CRB1: variants seen among roughly 807,000 people sequenced by gnomAD.
CRB1 encodes the protein protein crumbs homolog 1.
CRB1 carries 83 observed loss-of-function variants against 120.0 expected under a neutral mutation model. The ratio of observed to expected loss-of-function variants is 0.69; its 90% CI spans 0.58 to 0.83. CRB1 has a LOEUF of 0.83. Ranked by LOEUF, CRB1 falls within the 40% of genes least tolerant of loss-of-function variation. The pLI is 0.00. For synonymous variants in CRB1, 625 were observed against 612.5 expected, an observed-to-expected ratio of 1.02 and a Z score of -0.30; for missense variants, 1,699 against 1,687.6, an observed-to-expected ratio of 1.01 and a Z score of -0.12.
At chr1:197,445,973 T>A (rs1665679239) in intron 11 of CRB1, among the ~76,000 whole-genome samples, 1 of 152,088 alleles carries the variant, frequency 6.6e-6, no homozygotes, top group African/African-American at 2.4e-5. Flanking sequence ...GTGGATGACC[T>A]GCAGTCAGGA....
intron 1 of CRB1, among the ~76,000 whole-genome samples, chr1:197,283,189 A>T (rs950625896): frequency 6.6e-6 from 1 of 151,872 alleles, no homozygotes; most frequent in African/African-American, 2.4e-5. Context: ...TGTAAAAAAT[A>T]TGCTTGGAAA....
intron 5 of CRB1, among the ~76,000 whole-genome samples, chr1:197,369,035 T>C (rs56765769): frequency 6.9e-4 from 105 of 152,212 alleles, no homozygotes; most frequent in African/African-American, 2.5e-3. Context: ...AAAATGTTCA[T>C]TGGGGAGGTT....
rs28939720 is a variant in CRB1 at position 197,427,559 on chromosome 1, C to A, written c.2234C>A (p.Thr745Lys). The A allele has an allele frequency of 6.2e-7, 1 of 1,613,780 alleles. No homozygotes were observed. Among genetic ancestry groups the A allele is most frequent in the African/African-American group, 1.3e-5 (1 of 74,886 alleles). Residue 745 changes from threonine to lysine, a missense_variant, in exon 7 of 12, where the codon ACG (threonine) becomes AAG (lysine). By Grantham distance (78) the Thr-to-Lys change is moderately conservative. Transcript: ENST00000367400. ...DTISLSMFVR[T>K]LQPSGLLLAL... is the part of the protein sequence containing the mutation. ...ATCAGCCTCTCCATGTTTGTCCGAA[C>A]GCTTCAACCATCAGGCTTACTTCTA...
chr1:197,472,398 G>A (rs1406853521), intron 11 of CRB1, among the ~76,000 whole-genome samples: 1 of 152,128 alleles, frequency 6.6e-6, no homozygotes, highest in Non-Finnish European at 1.5e-5. Flanking sequence ...ATGAGAGAAA[G>A]GACCTCTGGG....
intron 5 of CRB1, among the ~76,000 whole-genome samples, chr1:197,420,187 C>T (rs924169543): frequency 2.0e-5 from 3 of 152,052 alleles, no homozygotes; most frequent in African/African-American, 7.2e-5. Context: ...ACCATAAAGT[C>T]CTACGCATAT....
At chr1:197,434,646 G>A in intron 8 of CRB1, 60 bp from the exon 9 acceptor site, 2 of 1,431,484 alleles carry the variant, frequency 1.4e-6, no homozygotes, top group South Asian at 1.2e-5. Context: ...ATTAATAACG[G>A]TAATTAAGCA....
At chr1:197,335,109 G>A (rs1284155823) in intron 2 of CRB1, among the ~76,000 whole-genome samples, 1 of 152,160 alleles carries the variant, frequency 6.6e-6, no homozygotes, top group Admixed American at 6.5e-5. Context: ...TCCAGGCAGA[G>A]GAACAGCAGA....
At chr1:197,255,601 A>G in the CRB1 span, among the ~76,000 whole-genome samples, 1 of 152,064 alleles carries the variant, frequency 6.6e-6, no homozygotes, top group Non-Finnish European at 1.5e-5. Context: ...TTACTGGCAC[A>G]TAATGCCTGT....
At chr1:197,433,322 A>G (rs1664966328) in intron 8 of CRB1, among the ~76,000 whole-genome samples, 1 of 152,158 alleles carries the variant, frequency 6.6e-6, no homozygotes, top group Admixed American at 6.6e-5. Flanking sequence ...AGAAGTAATT[A>G]GTCTTAATGA....
intron 5 of CRB1, among the ~76,000 whole-genome samples, chr1:197,397,801 G>A (rs1030093959): frequency 7.2e-5 from 11 of 152,228 alleles, no homozygotes; most frequent in Non-Finnish European, 1.6e-4. Flanking sequence ...GCTGGGAGCT[G>A]GAATTAGGGC....
At chr1:197,468,566 A>C (rs1389800065) in intron 11 of CRB1, among the ~76,000 whole-genome samples, 1 of 152,148 alleles carries the variant, frequency 6.6e-6, no homozygotes, top group African/African-American at 2.4e-5. Context: ...CAAGTGTGTG[A>C]GTCGATAATA....
In CRB1 at chr1:197,421,539, G is replaced by T; in HGVS notation, c.1711G>T (p.Glu571Ter). The T allele has an allele frequency of 6.2e-7, 1 of 1,614,246 alleles. No individual in the cohort carries two copies. The highest frequency in any genetic ancestry group is 8.5e-7 in the Non-Finnish European group (1 of 1,180,044). ...CAGCGATGGAGAGTGGCATTTCGTG[G>T]AGGTAATATTTGCAGAGGCTGTGAC... ...NTSDGEWHFV[E>*]VIFAEAVTLT... Residue 571 changes from glutamate to a stop codon, truncating the protein, a stop_gained, in exon 6 of 12, where the codon GAG becomes TAG. Coordinates refer to ENST00000367400, the MANE Select transcript of CRB1 (RefSeq NM_201253.3). LOFTEE classifies it high-confidence loss of function.
chr1:197,462,311 G>A (rs1219118459), intron 11 of CRB1, among the ~76,000 whole-genome samples: 2 of 152,034 alleles, frequency 1.3e-5, no homozygotes, highest in African/African-American at 2.4e-5. Flanking sequence ...TACATATAGT[G>A]GAATATGTGT....
intron 8 of CRB1, among the ~76,000 whole-genome samples, chr1:197,434,332 G>A (rs1013641075): frequency 2.6e-5 from 4 of 151,340 alleles, no homozygotes; most frequent in African/African-American, 9.7e-5. Flanking sequence ...TTTATTTGTG[G>A]GAGCAAATGC....
At chr1:197,339,428 G>A (rs923366838) in intron 2 of CRB1, among the ~76,000 whole-genome samples, 1 of 152,078 alleles carries the variant, frequency 6.6e-6, no homozygotes, top group Non-Finnish European at 1.5e-5. Flanking sequence ...CCCCAAAATA[G>A]CATACATAAT....
intron 5 of CRB1, among the ~76,000 whole-genome samples, chr1:197,414,332 A>T (rs1663861796): frequency 6.6e-6 from 1 of 152,118 alleles, no homozygotes; most frequent in Admixed American, 6.5e-5. Flanking sequence ...TATTTCATTA[A>T]CCATGGCTTC....
At chr1:197,444,309 A>G (rs1222509047) in intron 11 of CRB1, 2 of 152,174 alleles carry the variant, frequency 1.3e-5, no homozygotes, top group Non-Finnish European at 2.9e-5. Context: ...ACTGGGAGCA[A>G]CTAATTGTGA....
chr1:197,275,200 T>A (rs1248964870), intron 1 of CRB1, among the ~76,000 whole-genome samples: 1 of 152,088 alleles, frequency 6.6e-6, no homozygotes, highest in East Asian at 1.9e-4. Flanking sequence ...TGACCCCATG[T>A]TAACTTGATT....
intron 11 of CRB1, among the ~76,000 whole-genome samples, chr1:197,449,334 T>G (rs1306744015): frequency 6.6e-6 from 1 of 152,086 alleles, no homozygotes; most frequent in African/African-American, 2.4e-5. Context: ...ATGAATTCTT[T>G]TATGTTTTTC....
Sources: gnomAD v4.1 joint callset for allele counts (sites outside exome capture counted in the v4.1 genomes callset) on GRCh38, gnomAD v4.1.1 for gene constraint, MANE v1.5 for transcripts, NCBI Gene and HGNC (gene_info 2026-07-23, HGNC 2026-07-21) for gene names.